The following TTC39B variants were observed in gnomAD, a reference collection of about 807,000 sequenced individuals.
The protein encoded by TTC39B is tetratricopeptide repeat domain 39B.
Under a neutral mutation model 96.6 loss-of-function variants are expected in TTC39B, and 92 were observed. The observed-to-expected ratio is 0.95, with a 90% confidence interval of 0.80 to 1.13. The LOEUF (loss-of-function observed/expected upper bound fraction) is 1.13, where lower values mean the gene tolerates loss of function less well. Among genes scored for constraint, TTC39B ranks in the 50% most tolerant of loss-of-function variants. TTC39B has a pLI of 0.00. For missense variants in TTC39B, 955 were observed against 809.3 expected (o/e 1.18, Z -2.18); for synonymous variants, 367 against 299.4 (o/e 1.23, Z -2.33).
In TTC39B at chr9:15,256,890, C is replaced by T. The variant is rs113112335; in HGVS notation, c.275+11024G>A. Among the ~76,000 whole-genome samples, 430 of 152,266 alleles carry T rather than the reference C, an allele frequency of 2.8e-3. 2 individuals are homozygous for T. Among genetic ancestry groups the T allele is most frequent in the Admixed American group, 4.5e-3 (69 of 15,300 alleles). The stretch of plus-strand genomic sequence containing the variant: ...GCCCAACCACCTCAAACCTTATGAA[C>T]AAAGGTAGATTGGGTCTTCAGCTTT... On this transcript the variant is annotated intron_variant, in intron 2 of 19. Transcript: ENST00000512701.
chr9:15,260,117 A>G (rs570297941), intron 2 of TTC39B, among the ~76,000 whole-genome samples: 40 of 152,272 alleles, frequency 2.6e-4, no homozygotes, highest in African/African-American at 9.4e-4. Flanking sequence ...AGAGCTGTTT[A>G]AAAAAATTCT....
intron 1 of TTC39B, among the ~76,000 whole-genome samples, chr9:15,287,322 C>A (rs1330022257): frequency 1.3e-5 from 2 of 152,130 alleles, no homozygotes; most frequent in Non-Finnish European, 2.9e-5. Flanking sequence ...GCTGAATGGT[C>A]AATCTGAAAA....
At chr9:15,233,435 G>A (rs1011953151) in intron 2 of TTC39B, among the ~76,000 whole-genome samples, 3 of 152,040 alleles carry the variant, frequency 2.0e-5, no homozygotes, top group Non-Finnish European at 4.4e-5. Context: ...GCTGCCATCT[G>A]GGCTCACTGC....
intron 1 of TTC39B, among the ~76,000 whole-genome samples, chr9:15,287,548 G>A (rs374953572): frequency 2.0e-5 from 3 of 152,216 alleles, no homozygotes; most frequent in East Asian, 3.9e-4. Context: ...TGTGGTACTC[G>A]CTTCCCGGAG....
intron 13 of TTC39B, 144 bp from the exon 14 acceptor site, chr9:15,188,276 C>A: frequency 1.3e-6 from 1 of 771,702 alleles, no homozygotes; most frequent in Admixed American, 3.5e-5. Flanking sequence ...TGTTCTTTTC[C>A]TTACAGGCAA....
At chr9:15,183,351 TTGA>T (rs1195210785) in intron 16 of TTC39B, 4 of 437,784 alleles carry the variant, frequency 9.1e-6, no homozygotes, top group East Asian at 7.3e-5. Context: ...CTTTTTTAAA[TTGA>T]TGATGATCTT....
At chr9:15,270,881 A>C (rs1191135451) in intron 1 of TTC39B, among the ~76,000 whole-genome samples, 1 of 152,166 alleles carries the variant, frequency 6.6e-6, no homozygotes. Context: ...GAAGTGTCTT[A>C]ATTTTAAAAA....
chr9:15,240,347 A>T (rs772457333), intron 2 of TTC39B, among the ~76,000 whole-genome samples: 29 of 152,388 alleles, frequency 1.9e-4, no homozygotes, highest in South Asian at 4.1e-4. Context: ...CTGTTCTATT[A>T]AACGAGAAAC....
intron 2 of TTC39B, among the ~76,000 whole-genome samples, chr9:15,229,992 G>T (rs1369718946): frequency 6.6e-6 from 1 of 152,098 alleles, no homozygotes; most frequent in Admixed American, 6.6e-5. Context: ...TTATAACATT[G>T]CATCTTCACA....
intron 1 of TTC39B, among the ~76,000 whole-genome samples, chr9:15,301,256 C>T (rs943702149): frequency 6.6e-6 from 1 of 152,206 alleles, no homozygotes; most frequent in African/African-American, 2.4e-5. Flanking sequence ...ACTCAGAGTG[C>T]CCTGCTTTGA....
chr9:15,267,174 A>G (rs7048177), intron 2 of TTC39B, among the ~76,000 whole-genome samples: 12,337 of 152,250 alleles, frequency 0.081, 681 homozygotes, highest in African/African-American at 0.15. Context: ...GAGAGCCCCT[A>G]CCAGAATCCC....
intron 2 of TTC39B, among the ~76,000 whole-genome samples, chr9:15,251,246 T>A (rs1177713239): frequency 6.6e-6 from 1 of 151,704 alleles, no homozygotes; most frequent in Non-Finnish European, 1.5e-5. Context: ...TTCCAAATTA[T>A]AAAATAGTAA....
chr9:15,218,632 T>TAAAAAAAAAAATATA (rs545882970), intron 3 of TTC39B, among the ~76,000 whole-genome samples: 6 of 105,110 alleles, frequency 5.7e-5, no homozygotes, highest in African/African-American at 2.1e-4. Flanking sequence ...TTAGTCTATT[T>TAAAAAAAAAAATATA]TAAATATATA....
chr9:15,284,321 T>A (rs923587533), intron 1 of TTC39B, among the ~76,000 whole-genome samples: 3 of 152,216 alleles, frequency 2.0e-5, no homozygotes, highest in Admixed American at 2.0e-4. Context: ...GAAGTCCGTT[T>A]TGCAGGACCT....
At chr9:15,261,503 C>T (rs535853306) in intron 2 of TTC39B, among the ~76,000 whole-genome samples, 2 of 152,030 alleles carry the variant, frequency 1.3e-5, no homozygotes, top group East Asian at 3.9e-4. Flanking sequence ...CACCAAATCA[C>T]GATGACTGTA....
exon 20 of TTC39B, chr9:15,169,903 C>T (rs934617147): frequency 6.6e-6 from 1 of 152,108 alleles, no homozygotes; most frequent in Non-Finnish European, 1.5e-5. Context: ...TTGTTACTGA[C>T]TTGCAGCACT....
intron 2 of TTC39B, among the ~76,000 whole-genome samples, chr9:15,228,297 C>G (rs1233442941): frequency 7.2e-5 from 11 of 152,134 alleles, no homozygotes; most frequent in Admixed American, 7.2e-4. Flanking sequence ...AACCCCGTCT[C>G]TACTGAAAAT....
chr9:15,186,360 T>TA (rs1344562041), intron 15 of TTC39B, among the ~76,000 whole-genome samples: 1 of 152,188 alleles, frequency 6.6e-6, no homozygotes, highest in East Asian at 1.9e-4. Flanking sequence ...GGAACCCTTG[T>TA]AGTTTAAAGG....
Position 15,189,844 on chromosome 9 carries a change from A to G in TTC39B, c.1106-52T>C, listed in dbSNP as rs577224003. ...GTCTTCATAAGACATGGGGATATTT[A>G]TAACCAGCTCTCCAAATTTCATTAA... On this transcript the variant is annotated intron_variant, in intron 11 of 19. Transcript: ENST00000512701. 3.1e-6 allele frequency: 4 copies of G among 1,280,742 alleles called. No homozygotes were observed. In the Admixed American group the frequency reaches 7.7e-5, roughly 25 times the overall value. The allele number at this position is 1,280,742 out of a possible 1,614,324, so 79.3% of individuals were successfully genotyped here. A position where few individuals can be genotyped will look rare whatever the true frequency, so the allele number is the denominator to read the frequency against.
Sources: allele counts gnomAD v4.1 joint callset (sites outside exome capture counted in the v4.1 genomes callset), GRCh38; gene constraint gnomAD v4.1.1; transcripts MANE v1.5; gene names NCBI Gene and HGNC (gene_info 2026-07-23, HGNC 2026-07-21).